The following TPRG1 variants were observed in gnomAD, a reference collection of about 807,000 sequenced individuals.
TPRG1 encodes tumor protein p63-regulated gene 1 protein.
In TPRG1, 29 loss-of-function variants were observed where a neutral mutation model predicts 29.3. That is an observed-to-expected ratio of 0.99 (90% CI 0.74 to 1.35). The LOEUF (loss-of-function observed/expected upper bound fraction) is 1.35, where lower values mean the gene tolerates loss of function less well. Among genes scored for constraint, TPRG1 ranks in the 40% most tolerant of loss-of-function variants. TPRG1 has a pLI of 0.00. For missense variants in TPRG1, 327 were observed against 335.0 expected, an observed-to-expected ratio of 0.98 and a Z score of 0.19; for synonymous variants, 130 against 116.8, an observed-to-expected ratio of 1.11 and a Z score of -0.73.
chr3:189,125,674 A>G (rs1722370821), intron 1 of TPRG1, among the ~76,000 whole-genome samples: 2 of 152,056 alleles, frequency 1.3e-5, no homozygotes, highest in Admixed American at 6.6e-5. Flanking sequence ...TTCAAGCCCC[A>G]TGTTAGGATT....
At chr3:189,293,426 C>T (rs1212207516) in intron 4 of TPRG1, among the ~76,000 whole-genome samples, 2 of 152,098 alleles carry the variant, frequency 1.3e-5, no homozygotes, top group Non-Finnish European at 2.9e-5. Flanking sequence ...GGCTCTCTCA[C>T]CCCTGAAAAG....
intron 4 of TPRG1, chr3:189,240,249 C>T (rs1198625535): frequency 6.6e-6 from 1 of 151,986 alleles, no homozygotes; most frequent in Non-Finnish European, 1.5e-5. Flanking sequence ...TAATATTACA[C>T]ATTGTAAAAT....
At chr3:189,071,402 G>A (rs1270641571) in intron 4 of TPRG1, among the ~76,000 whole-genome samples, 1 of 151,056 alleles carries the variant, frequency 6.6e-6, no homozygotes, top group Non-Finnish European at 1.5e-5. Context: ...AGTAGTGTAT[G>A]AGTTTTACAC....
rs545925033 is a variant in TPRG1, at chr3:189,324,692, G to C, written c.*3872G>C. ...AAAGGTATTAAATTTAGGCTTAAAA[G>C]CTCCTCAGAAATTCTTTACACACAA... On this transcript the variant is annotated 3_prime_UTR_variant, in exon 6 of 6. Transcript: ENST00000345063. The C allele has an allele frequency of 6.6e-6, 1 of 152,282 alleles. No homozygotes were observed. Among genetic ancestry groups the C allele is most frequent in the East Asian group, 1.9e-4 (1 of 5,166 alleles). The allele number at this position is 152,282 out of a possible 1,614,324, so 9.4% of individuals were successfully genotyped here.
intron 5 of TPRG1, chr3:189,315,572 A>T (rs1374183424): frequency 6.7e-6 from 3 of 446,508 alleles, no homozygotes; most frequent in Non-Finnish European, 1.3e-5. Context: ...TGTGTGCCCT[A>T]CAACCATCAT....
chr3:189,089,773 T>C (rs1281389527), intron 4 of TPRG1, among the ~76,000 whole-genome samples: 1 of 152,204 alleles, frequency 6.6e-6, no homozygotes, highest in Non-Finnish European at 1.5e-5. Flanking sequence ...GATAATCAAA[T>C]CACCTTTTAA....
chr3:189,066,676 C>T, intron 4 of TPRG1, among the ~76,000 whole-genome samples: 1 of 148,568 alleles, frequency 6.7e-6, no homozygotes, highest in Admixed American at 6.7e-5. Flanking sequence ...TGCCTCAATA[C>T]AATAAAAGCC....
At chr3:189,008,633 C>T (rs1279981399) in intron 3 of TPRG1, among the ~76,000 whole-genome samples, 5 of 151,884 alleles carry the variant, frequency 3.3e-5, no homozygotes, top group Non-Finnish European at 7.4e-5. Flanking sequence ...TACTGTCTTT[C>T]TTGGACTGAC....
chr3:189,315,927 A>G (rs1723441817), intron 5 of TPRG1, among the ~76,000 whole-genome samples: 1 of 152,202 alleles, frequency 6.6e-6, no homozygotes, highest in Admixed American at 6.5e-5. Context: ...TAAGTCCAAA[A>G]GTTAACAAGT....
chr3:189,159,851 TGTGTGTGTGTGTGTGTG>T (rs1407237392), intron 5 of TPRG1, among the ~76,000 whole-genome samples: 9 of 140,134 alleles, frequency 6.4e-5, no homozygotes, highest in Non-Finnish European at 1.3e-4. Flanking sequence ...TGTGTGTGTG[TGTGTGTGTGTGTGTGTG>T]GTGGTGGGGG....
intron 5 of TPRG1, among the ~76,000 whole-genome samples, chr3:189,163,971 A>G (rs62292392): frequency 0.54 from 82,461 of 151,314 alleles, 25,266 homozygotes; most frequent in African/African-American, 0.84. Context: ...TTTTTTTTCA[A>G]ATAAGGTAAA....
chr3:189,220,768 T>G (rs141308583), intron 3 of TPRG1, among the ~76,000 whole-genome samples: 1 of 152,222 alleles, frequency 6.6e-6, no homozygotes, highest in African/African-American at 2.4e-5. Flanking sequence ...GCAAAGGACA[T>G]GATCTCATTC....
intron 4 of TPRG1, among the ~76,000 whole-genome samples, chr3:189,041,522 T>C (rs550801455): frequency 6.6e-6 from 1 of 152,266 alleles, no homozygotes; most frequent in South Asian, 2.1e-4. Flanking sequence ...TGGGAGATAT[T>C]ATTGTTTCTA....
intron 1 of TPRG1, among the ~76,000 whole-genome samples, chr3:189,192,676 A>G (rs6805257): frequency 0.56 from 85,646 of 151,844 alleles, 25,473 homozygotes; most frequent in African/African-American, 0.76. Context: ...TGTTTCTTTC[A>G]TTTTCTTTTA....
chr3:189,074,973 G>A (rs901433507), intron 4 of TPRG1, among the ~76,000 whole-genome samples: 47 of 151,596 alleles, frequency 3.1e-4, no homozygotes, highest in Non-Finnish European at 1.5e-4. Context: ...CACCACGCCC[G>A]GCTAATTTTT....
chr3:189,250,747 TAAAAAAAAAAA>T (rs139028462), intron 4 of TPRG1, among the ~76,000 whole-genome samples: 1 of 122,700 alleles, frequency 8.1e-6, no homozygotes, highest in Admixed American at 8.4e-5. Context: ...TTCCCTTGTT[TAAAAAAAAAAA>T]AAAAAAAAAG....
At chr3:189,077,848 A>G (rs1185886295) in intron 4 of TPRG1, among the ~76,000 whole-genome samples, 1 of 152,150 alleles carries the variant, frequency 6.6e-6, no homozygotes, top group South Asian at 2.1e-4. Flanking sequence ...TTAGCTTTGC[A>G]TTTGTACAGA....
At chr3:189,229,113 T>G (rs1738243754) in intron 3 of TPRG1, among the ~76,000 whole-genome samples, 2 of 152,110 alleles carry the variant, frequency 1.3e-5, no homozygotes, top group South Asian at 4.1e-4. Context: ...ATAAAAGAAA[T>G]CACAGAAGAT....
chr3:189,033,308 A>T (rs1206733690), intron 4 of TPRG1, among the ~76,000 whole-genome samples: 3 of 150,126 alleles, frequency 2.0e-5, no homozygotes, highest in Non-Finnish European at 4.4e-5. Flanking sequence ...TTGAGGCAGG[A>T]TCTCACACGT....
Sources: allele counts gnomAD v4.1 joint callset (sites outside exome capture counted in the v4.1 genomes callset), GRCh38; gene constraint gnomAD v4.1.1; transcripts MANE v1.5; gene names NCBI Gene and HGNC (gene_info 2026-07-23, HGNC 2026-07-21).